KCNAB2: variants seen among roughly 807,000 people sequenced by gnomAD.
KCNAB2 encodes the protein potassium voltage-gated channel subfamily A regulatory beta subunit 2.
Under a neutral mutation model 63.6 loss-of-function variants are expected in KCNAB2, and 29 were observed. The ratio of observed to expected loss-of-function variants is 0.46; its 90% CI spans 0.34 to 0.62. KCNAB2 has a LOEUF of 0.62. KCNAB2 is among the 20% of genes least tolerant of loss of function. The pLI is 0.01. For synonymous variants in KCNAB2, 222 were observed against 224.2 expected (o/e 0.99, Z 0.09); for missense variants, 359 against 563.9 (o/e 0.64, Z 3.68).
intron 2 of KCNAB2, among the ~76,000 whole-genome samples, chr1:6,061,812 G>T (rs889159868): frequency 6.6e-6 from 1 of 152,170 alleles, no homozygotes; most frequent in Non-Finnish European, 1.5e-5. Flanking sequence ...TGTAGGTGAC[G>T]TTGTTAAATT....
intron 1 of KCNAB2, among the ~76,000 whole-genome samples, chr1:6,010,669 T>C (rs1658097211): frequency 6.6e-6 from 1 of 152,174 alleles, no homozygotes; most frequent in Non-Finnish European, 1.5e-5. Context: ...TCCCTCCTCG[T>C]CCCTGCTCAG....
chr1:6,096,808 G>A lies in KCNAB2; in HGVS notation c.1069+52G>A, dbSNP rs11806123. ...GTGCCCCTGGGGAGAACCTGCCCCA[G>A]CTGGCCGTAGGTAACAGGGTGGGGT... On this transcript the variant is annotated intron_variant, in intron 14 of 15. Transcript: ENST00000378083. This position sits in a 1 kb window ranked among gnomAD's most constrained non-coding sequence, Gnocchi z 5.9. 3.9e-3 allele frequency: 5,788 copies of A among 1,500,792 alleles called. 168 individuals carry two copies. In the African/African-American group the frequency reaches 0.069, roughly 18 times the overall value. The allele number at this position is 1,500,792 out of a possible 1,614,324, so 93.0% of individuals were successfully genotyped here. A position where few individuals can be genotyped will look rare whatever the true frequency, so the allele number is the denominator to read the frequency against.
chr1:6,084,569 A>T (rs1221343597), intron 5 of KCNAB2, among the ~76,000 whole-genome samples: 1 of 152,218 alleles, frequency 6.6e-6, no homozygotes, highest in African/African-American at 2.4e-5. Context: ...GAATCCCAGC[A>T]CTTTGGGAGG....
chr1:6,062,848 A>G (rs1017729675), intron 2 of KCNAB2, among the ~76,000 whole-genome samples: 1 of 152,146 alleles, frequency 6.6e-6, no homozygotes, highest in Admixed American at 6.5e-5. Context: ...CATTTAATGC[A>G]ATTATATGGA....
chr1:6,013,220 G>T (rs1658296754), intron 1 of KCNAB2, among the ~76,000 whole-genome samples: 1 of 152,176 alleles, frequency 6.6e-6, no homozygotes, highest in African/African-American at 2.4e-5. Context: ...CGGGCATGAG[G>T]GATTCAGCAG....
rs1340008079 is a variant in KCNAB2, at chr1:6,096,800, C to T, written c.1069+44C>T. 6 of 1,509,972 alleles carry T rather than the reference C, an allele frequency of 4.0e-6. No homozygotes were observed. Among genetic ancestry groups the T allele is most frequent in the Non-Finnish European group, 3.6e-6 (4 of 1,122,176 alleles). 93.5% of individuals were successfully genotyped at this position (1,509,972 alleles called of 1,614,324 possible). ...TGGGGCCAGTGCCCCTGGGGAGAAC[C>T]TGCCCCAGCTGGCCGTAGGTAACAG... is the stretch of plus-strand genomic sequence containing the variant. On this transcript the variant is annotated intron_variant, in intron 14 of 15. Transcript: ENST00000378083. This position sits in a 1 kb window ranked among gnomAD's most constrained non-coding sequence, Gnocchi z 5.9.
At chr1:6,019,446 G>A (rs989321396) in intron 1 of KCNAB2, among the ~76,000 whole-genome samples, 23 of 152,316 alleles carry the variant, frequency 1.5e-4, no homozygotes, top group Middle Eastern at 6.8e-3. Context: ...CTGGCCAGCC[G>A]GTGTGCAGTG....
chr1:6,081,308 T>C (rs1189774435), intron 4 of KCNAB2, among the ~76,000 whole-genome samples: 1 of 152,234 alleles, frequency 6.6e-6, no homozygotes, highest in Non-Finnish European at 1.5e-5. Context: ...TCACCCACCA[T>C]GCACCAGCTG....
chr1:6,100,906 G>C lies in KCNAB2; in HGVS notation c.*2332G>C, dbSNP rs1205927940. The stretch of plus-strand genomic sequence containing the variant: ...GGCGCTGGCCCTGCTGGACGCTTCG[G>C]AGCCCCCACTGTTTCCCACTCAGCT... On this transcript the variant is annotated 3_prime_UTR_variant, in exon 16 of 16. Coordinates refer to ENST00000378083, the MANE Select transcript of KCNAB2 (RefSeq NM_001199862.2). 1 of 152,302 alleles carries C rather than the reference G, an allele frequency of 6.6e-6. No homozygotes were observed. Among genetic ancestry groups the C allele is most frequent in the African/African-American group, 2.4e-5 (1 of 41,462 alleles). The allele number at this position is 152,302 out of a possible 1,614,324, so 9.4% of individuals were successfully genotyped here.
chr1:6,085,097 C>T, intron 5 of KCNAB2, 107 bp from the exon 6 acceptor site: 1 of 1,155,632 alleles, frequency 8.7e-7, no homozygotes, highest in Non-Finnish European at 1.3e-6. Context: ...GGCTCTCTGG[C>T]CCCAGTGACA....
intron 6 of KCNAB2, chr1:6,085,749 G>C (rs780367080): frequency 2.5e-6 from 2 of 793,750 alleles, no homozygotes; most frequent in South Asian, 5.2e-5. Context: ...GGATCTTCGC[G>C]GCGTCTCAGC....
chr1:6,051,935 C>G (rs1022587083), intron 2 of KCNAB2, among the ~76,000 whole-genome samples, 181 bp downstream of exon 2: 2 of 152,034 alleles, frequency 1.3e-5, no homozygotes, highest in Non-Finnish European at 2.9e-5. Context: ...GAAACACCAC[C>G]TACTAAAAAT....
intron 1 of KCNAB2, among the ~76,000 whole-genome samples, chr1:6,017,926 T>A (rs2250582): frequency 2.8e-4 from 42 of 151,794 alleles, no homozygotes; most frequent in Non-Finnish European, 5.0e-4. Context: ...AAAAAAATTT[T>A]TTTTTAGACA....
Position 6,024,316 on chromosome 1 carries a change from C to T in KCNAB2, c.-52-16201C>T, listed in dbSNP as rs1659015371. 6.6e-6 allele frequency among the ~76,000 whole-genome samples: 1 copy of T among 152,066 alleles called. No homozygotes were observed. The highest frequency in any genetic ancestry group is 1.5e-5 in the Non-Finnish European group (1 of 68,000). On this transcript the variant is annotated intron_variant, in intron 1 of 16. Coordinates refer to the KCNAB2 transcript ENST00000341524. This position sits in a 1 kb window ranked among gnomAD's most constrained non-coding sequence, Gnocchi z 5.4. ...GCCCAGACTGGTCTCGAACTCCTGG[C>T]CTCAAGCAATCCTCCCACCCTGGCC...
chr1:6,095,123 A>G (rs971975839), intron 11 of KCNAB2, among the ~76,000 whole-genome samples, 200 bp from the exon 12 acceptor site: 3 of 152,196 alleles, frequency 2.0e-5, no homozygotes, highest in African/African-American at 4.8e-5. Flanking sequence ...TGGGGGTCCC[A>G]CCACCCACCT....
At chr1:6,054,056 A>AAAGAAG (rs778542488) in intron 2 of KCNAB2, among the ~76,000 whole-genome samples, 1 of 151,402 alleles carries the variant, frequency 6.6e-6, no homozygotes, top group Non-Finnish European at 1.5e-5. Flanking sequence ...AAAAAAAAAA[A>AAAGAAG]AAGAAGAAGA....
intron 1 of KCNAB2, among the ~76,000 whole-genome samples, chr1:6,020,755 C>G (rs35152396): frequency 6.6e-6 from 1 of 152,294 alleles, no homozygotes; most frequent in Non-Finnish European, 1.5e-5. Flanking sequence ...CAACCTCTGC[C>G]TCCTGGATTC....
chr1:6,079,722 G>A (rs61639802), intron 4 of KCNAB2, among the ~76,000 whole-genome samples: 5,210 of 152,216 alleles, frequency 0.034, 293 homozygotes, highest in African/African-American at 0.12. Flanking sequence ...GGCAGGGAGC[G>A]GGGAAGGGGA....
intron 1 of KCNAB2, among the ~76,000 whole-genome samples, chr1:6,050,347 G>A (rs1557453005): frequency 1.3e-5 from 2 of 152,290 alleles, no homozygotes; most frequent in African/African-American, 2.4e-5. Context: ...GGCCATGGCC[G>A]AGGCTGCAGT....
Sources: allele counts gnomAD v4.1 joint callset (sites outside exome capture counted in the v4.1 genomes callset), GRCh38; gene constraint gnomAD v4.1.1; non-coding constraint Gnocchi (gnomAD v3.1); transcripts MANE v1.5; gene names NCBI Gene and HGNC (gene_info 2026-07-23, HGNC 2026-07-21).